ADSS1: variants seen among roughly 807,000 people sequenced by gnomAD.
ADSS1 encodes the protein adenylosuccinate synthase 1.
In ADSS1, 57 loss-of-function variants were observed where a neutral mutation model predicts 59.1. That is an observed-to-expected ratio of 0.97 (90% CI 0.78 to 1.20). The LOEUF (loss-of-function observed/expected upper bound fraction) is 1.20. Ranked by LOEUF, ADSS1 falls within the 50% of genes most tolerant of loss-of-function variation. ADSS1 has a pLI of 0.00. For synonymous variants in ADSS1, 247 were observed against 249.4 expected, an observed-to-expected ratio of 0.99 and a Z score of 0.09; for missense variants, 603 against 610.3, an observed-to-expected ratio of 0.99 and a Z score of 0.13.
chr14:104,738,938 A>C (rs1891226211), intron 3 of ADSS1, among the ~76,000 whole-genome samples: 1 of 152,160 alleles, frequency 6.6e-6, no homozygotes, highest in Admixed American at 6.5e-5. Context: ...TGAAAAGAGC[A>C]AGAATGTGAT....
rs1447103735 is a variant in ADSS1 at position 104,741,896 on chromosome 14, G to T, written c.842G>T (p.Cys281Phe). Reference protein sequence around the residue: ...TSSNCTVGGVCTGLGIPPQNI... With the variant: ...TSSNCTVGGVFTGLGIPPQNI... The stretch of plus-strand genomic sequence containing the variant: ...TCCAACTGCACCGTGGGCGGTGTGT[G>T]CACGGGCCTGGGCATCCCCCCGCAG... The change falls in exon 9 of 13, where the codon TGC becomes TTC. Residue 281 changes from cysteine to phenylalanine, a missense_variant. Physicochemically the swap from Cys to Phe is radical, Grantham distance 205. Transcript: ENST00000330877. 1 of 1,613,388 alleles carries T rather than the reference G, an allele frequency of 6.2e-7. No individual in the cohort carries two copies. Among genetic ancestry groups the T allele is most frequent in the African/African-American group, 1.3e-5 (1 of 74,940 alleles).
chr14:104,730,119 G>C (rs1890867965), intron 1 of ADSS1: 1 of 1,548,458 alleles, frequency 6.5e-7, no homozygotes, highest in Non-Finnish European at 8.7e-7. Flanking sequence ...GGAGAGGAGA[G>C]GGCTTGGAGG....
chr14:104,736,911 T>TATATATATATATATATATA (rs1566798291), intron 2 of ADSS1, among the ~76,000 whole-genome samples: 3 of 143,284 alleles, frequency 2.1e-5, no homozygotes, highest in African/African-American at 8.0e-5. Flanking sequence ...TATATATATA[T>TATATATATATATATATATA]ATGCATTTTT....
intron 1 of ADSS1, among the ~76,000 whole-genome samples, chr14:104,729,015 G>A (rs192097645): frequency 1.3e-5 from 2 of 152,334 alleles, no homozygotes; most frequent in Admixed American, 1.3e-4. Flanking sequence ...TAACGCTGTG[G>A]GGAGGAGAAG....
chr14:104,746,892 A>G lies in ADSS1; in HGVS notation c.1322-59A>G, dbSNP rs773243200. On this transcript the variant is annotated intron_variant, in intron 12 of 12. Transcript: ENST00000330877. ...ACAGAAAGATACGACACTAAAGACA[A>G]CTTTTTCTGAACTTTCTGCCTCCAG... The G allele has an allele frequency of 1.9e-6, 3 of 1,574,334 alleles. No homozygotes were observed. The African/African-American group carries it at 4.1e-5, about 21-fold the overall frequency.
rs200830217 is a variant in ADSS1, at chr14:104,740,624, T to C, written c.500T>C (p.Ile167Thr). The C allele has an allele frequency of 6.2e-7, 1 of 1,613,612 alleles. No homozygotes were observed. Among genetic ancestry groups the C allele is most frequent in the African/African-American group, 1.3e-5 (1 of 74,888 alleles). ...AGTATAGGCACCACCAAGAAGGGAA[T>C]CGGACCAACCTACTCTTCCAAAGCT... ...GKNIGTTKKG[I>T]GPTYSSKAAR... Residue 167 changes from isoleucine (I) to threonine (T), a missense_variant, in exon 6 of 13, where the codon ATC becomes ACC. By Grantham distance (89) the Ile-to-Thr change is moderately conservative. Coordinates refer to ENST00000330877, the MANE Select transcript of ADSS1 (RefSeq NM_152328.5). This position sits in a 1 kb window ranked among gnomAD's most constrained non-coding sequence, Gnocchi z 4.8.
At chr14:104,735,229 C>G (rs1484219629) in intron 2 of ADSS1, 107 bp downstream of exon 2, 8 of 1,039,682 alleles carry the variant, frequency 7.7e-6, no homozygotes, top group South Asian at 3.0e-5. Context: ...GATGACTGCT[C>G]TAGCAGTAGG....
chr14:104,735,589 C>T (rs1320289066), intron 2 of ADSS1, among the ~76,000 whole-genome samples: 3 of 152,212 alleles, frequency 2.0e-5, no homozygotes, highest in Non-Finnish European at 4.4e-5. Flanking sequence ...GCCATGTGGC[C>T]GTCCTCTTGC....
chr14:104,732,438 C>T (rs1890965107), intron 1 of ADSS1, among the ~76,000 whole-genome samples: 1 of 152,220 alleles, frequency 6.6e-6, no homozygotes, highest in African/African-American at 2.4e-5. Flanking sequence ...TCGTCCTGGG[C>T]TCCCCAGAAC....
intron 1 of ADSS1, among the ~76,000 whole-genome samples, chr14:104,731,888 G>T (rs1161739925): frequency 5.3e-5 from 8 of 152,198 alleles, no homozygotes; most frequent in Admixed American, 5.2e-4. Context: ...CCCTGCAGCA[G>T]GATCCATGGA....
At chr14:104,734,138 G>C (rs1448411715) in intron 1 of ADSS1, among the ~76,000 whole-genome samples, 1 of 152,226 alleles carries the variant, frequency 6.6e-6, no homozygotes, top group Non-Finnish European at 1.5e-5. Context: ...GTGAAGCGGG[G>C]CCTCCTGCCT....
In ADSS1 at chr14:104,740,579, G is replaced by A. The variant is rs773959408; in HGVS notation, c.477-22G>A. 15 of 1,610,630 alleles carry A rather than the reference G, an allele frequency of 9.3e-6. No individual in the cohort carries two copies. Among genetic ancestry groups the A allele is most frequent in the African/African-American group, 1.3e-5 (1 of 74,788 alleles). ...CCTCAGGGCTCCTGGGTTCTCATGG[G>A]TACCCACTCCCCATCTTTCAGTATA... On this transcript the variant is annotated intron_variant, in intron 5 of 12. Transcript: ENST00000330877. The surrounding 1 kb of genome is among the most constrained non-coding windows in gnomAD (Gnocchi z 4.8).
chr14:104,741,630 C>G (rs1891361368), intron 8 of ADSS1, among the ~76,000 whole-genome samples: 1 of 152,224 alleles, frequency 6.6e-6, no homozygotes, highest in African/African-American at 2.4e-5. Flanking sequence ...GGGCAACTTT[C>G]TCCCTCCTCT....
intron 1 of ADSS1, among the ~76,000 whole-genome samples, chr14:104,725,583 G>A (rs1356150649): frequency 1.3e-5 from 2 of 152,138 alleles, no homozygotes; most frequent in Non-Finnish European, 2.9e-5. Flanking sequence ...GGAACAGTGG[G>A]GGACCTCCCC....
At chr14:104,727,204 C>T (rs1426185256) in intron 1 of ADSS1, among the ~76,000 whole-genome samples, 2 of 152,174 alleles carry the variant, frequency 1.3e-5, no homozygotes, top group Admixed American at 1.3e-4. Context: ...TCTGGGGGCC[C>T]CTGAGAGTGT....
chr14:104,731,250 C>A (rs1309850511), intron 1 of ADSS1, among the ~76,000 whole-genome samples: 1 of 152,210 alleles, frequency 6.6e-6, no homozygotes, highest in African/African-American at 2.4e-5. Context: ...AATCTACTGT[C>A]CCTGACCTGG....
chr14:104,731,845 G>A (rs918658610), intron 1 of ADSS1, among the ~76,000 whole-genome samples: 1 of 152,192 alleles, frequency 6.6e-6, no homozygotes, highest in Non-Finnish European at 1.5e-5. Context: ...GCTCAGGGCC[G>A]GGCTGCCTGG....
intron 2 of ADSS1, among the ~76,000 whole-genome samples, chr14:104,736,881 G>GATAT (rs57122419): frequency 0.088 from 9,312 of 105,706 alleles, 624 homozygotes; most frequent in Non-Finnish European, 0.13. Context: ...GCACCTAGCT[G>GATAT]ATATATATAT....
Position 104,735,094 on chromosome 14 carries a change from C to G in ADSS1, c.267C>G (p.Ile89Met), listed in dbSNP as rs1232325594. The G allele has an allele frequency of 6.2e-7, 1 of 1,612,888 alleles. No individual in the cohort carries two copies. Among genetic ancestry groups the G allele is most frequent in the Admixed American group, 1.7e-5 (1 of 59,952 alleles). ...EYDFHLLPSGIINTKAVSFIG... is the reference protein window; with the variant it reads ...EYDFHLLPSGMINTKAVSFIG... Reference sequence around the variant, plus strand: ...ACTTCCACCTGCTGCCCAGCGGCATCATCAACACCAAGGCCGTGTCCTTCA... The same window carrying G: ...ACTTCCACCTGCTGCCCAGCGGCATGATCAACACCAAGGCCGTGTCCTTCA... Residue 89 changes from isoleucine to methionine, a missense_variant, in exon 2 of 13, where the codon ATC becomes ATG. Coordinates refer to ENST00000330877, the MANE Select transcript of ADSS1 (RefSeq NM_152328.5).
Sources: allele counts gnomAD v4.1 joint callset (sites outside exome capture counted in the v4.1 genomes callset), GRCh38; gene constraint gnomAD v4.1.1; non-coding constraint Gnocchi (gnomAD v3.1); transcripts MANE v1.5; gene names NCBI Gene and HGNC (gene_info 2026-07-23, HGNC 2026-07-21).